Variants in SAMD12 observed in about 807,000 individuals in gnomAD.
The protein encoded by SAMD12 is sterile alpha motif domain containing 12.
A neutral mutation model predicts 15.0 loss-of-function variants in SAMD12; 9 were observed. The ratio of observed to expected loss-of-function variants is 0.60; its 90% confidence interval spans 0.36 to 1.05. SAMD12 has a LOEUF of 1.05. SAMD12 is among the 50% of genes least tolerant of loss of function. SAMD12 has a pLI of 0.01. For synonymous variants in SAMD12, 86 were observed against 90.1 expected (o/e 0.96, Z 0.25); for missense variants, 230 against 234.2 (o/e 0.98, Z 0.12).
intron 4 of SAMD12, among the ~76,000 whole-genome samples, chr8:118,263,500 C>T (rs1338018781): frequency 6.6e-6 from 1 of 151,862 alleles, no homozygotes; most frequent in Non-Finnish European, 1.5e-5. Context: ...GACAAATGTA[C>T]CCCAGAAAAA....
At chr8:118,273,134 C>T (rs967089884) in intron 4 of SAMD12, among the ~76,000 whole-genome samples, 4 of 152,190 alleles carry the variant, frequency 2.6e-5, no homozygotes, top group African/African-American at 9.7e-5. Context: ...GTAATTGACT[C>T]ACAGTTCAGC....
At chr8:118,326,127 C>T (rs1290202894) in intron 4 of SAMD12, among the ~76,000 whole-genome samples, 1 of 152,140 alleles carries the variant, frequency 6.6e-6, no homozygotes, top group Non-Finnish European at 1.5e-5. Flanking sequence ...TAGTGCCCTG[C>T]TCCACTGTTG....
chr8:118,585,868 C>A (rs990261000), intron 1 of SAMD12, among the ~76,000 whole-genome samples: 3 of 152,172 alleles, frequency 2.0e-5, no homozygotes, highest in Admixed American at 1.3e-4. Context: ...TTTCTCTGCT[C>A]ACAGTGATGC....
intron 3 of SAMD12, among the ~76,000 whole-genome samples, chr8:118,392,491 G>A: frequency 6.6e-6 from 1 of 152,182 alleles, no homozygotes; most frequent in East Asian, 1.9e-4. Context: ...TCAGGAAGCA[G>A]ACCTAAAGAA....
At chr8:118,499,894 C>T (rs1824729933) in intron 2 of SAMD12, among the ~76,000 whole-genome samples, 1 of 152,050 alleles carries the variant, frequency 6.6e-6, no homozygotes, top group African/African-American at 2.4e-5. Flanking sequence ...AGAAGACTGT[C>T]CTTAATATGG....
intron 2 of SAMD12, among the ~76,000 whole-genome samples, chr8:118,458,978 GT>G (rs1823337730): frequency 8.4e-6 from 1 of 118,878 alleles, no homozygotes; most frequent in African/African-American, 3.2e-5. Flanking sequence ...GTGTGTGTGT[GT>G]GTGTGTTTAT....
intron 2 of SAMD12, among the ~76,000 whole-genome samples, chr8:118,557,298 C>T (rs943824048): frequency 2.0e-5 from 3 of 152,192 alleles, no homozygotes; most frequent in Admixed American, 6.5e-5. Context: ...GCCTCTTCCC[C>T]GCCTATCATG....
intron 2 of SAMD12, among the ~76,000 whole-genome samples, chr8:118,541,066 GCCAA>G (rs1825972108): frequency 6.6e-6 from 1 of 152,196 alleles, no homozygotes; most frequent in African/African-American, 2.4e-5. Context: ...AGAGGATGAA[GCCAA>G]CCAAGAAAAA....
intron 4 of SAMD12, among the ~76,000 whole-genome samples, chr8:118,200,184 C>G (rs1014812355): frequency 6.6e-6 from 1 of 152,114 alleles, no homozygotes; most frequent in Non-Finnish European, 1.5e-5. Context: ...GTCAATTAAA[C>G]CTCTTTTCCT....
chr8:118,239,939 T>C (rs1442852767), intron 4 of SAMD12: 1 of 152,138 alleles, frequency 6.6e-6, no homozygotes, highest in Non-Finnish European at 1.5e-5. Flanking sequence ...GTCATTCTTT[T>C]GGAAGAGTCA....
At chr8:118,142,091 G>T in the SAMD12 span, among the ~76,000 whole-genome samples, 1 of 152,188 alleles carries the variant, frequency 6.6e-6, no homozygotes. Flanking sequence ...AGGTTTTAGA[G>T]CCACGTAGAG....
intron 1 of SAMD12, among the ~76,000 whole-genome samples, chr8:118,600,204 A>C (rs1196715938): frequency 6.6e-6 from 1 of 152,174 alleles, no homozygotes; most frequent in East Asian, 1.9e-4. Flanking sequence ...TAATTGAAGC[A>C]AGCAAAAATG....
At chr8:118,161,712 AT>A in the SAMD12 span, among the ~76,000 whole-genome samples, 1 of 14,574 alleles carries the variant, frequency 6.9e-5, no homozygotes, top group South Asian at 1.2e-3. Flanking sequence ...TAAATTATTT[AT>A]TATTATTATT....
chr8:118,503,895 T>C (rs1341327461), intron 2 of SAMD12, among the ~76,000 whole-genome samples: 1 of 152,230 alleles, frequency 6.6e-6, no homozygotes, highest in Non-Finnish European at 1.5e-5. Flanking sequence ...ACACTCATTT[T>C]ACAAATCAGC....
intron 4 of SAMD12, among the ~76,000 whole-genome samples, chr8:118,228,726 T>C (rs1193481129): frequency 6.6e-6 from 1 of 152,204 alleles, no homozygotes; most frequent in Non-Finnish European, 1.5e-5. Context: ...GAAAACAGTG[T>C]GGAGCTTCCT....
chr8:118,268,614 AG>A (rs774544690), intron 4 of SAMD12, among the ~76,000 whole-genome samples: 5 of 152,250 alleles, frequency 3.3e-5, no homozygotes, highest in African/African-American at 7.2e-5. Context: ...TGGGAGTTCA[AG>A]ACCAGCCTGG....
chr8:118,491,895 C>T (rs1430493115), intron 2 of SAMD12, among the ~76,000 whole-genome samples: 1 of 152,068 alleles, frequency 6.6e-6, no homozygotes, highest in Non-Finnish European at 1.5e-5. Context: ...ATGAAGAAAG[C>T]GGCTGTGAAT....
intron 4 of SAMD12, among the ~76,000 whole-genome samples, chr8:118,300,206 A>G (rs1374876179): frequency 6.6e-6 from 1 of 152,098 alleles, no homozygotes; most frequent in Non-Finnish European, 1.5e-5. Flanking sequence ...GAAACTATAT[A>G]CTATTGTTAA....
chr8:118,604,948 TAAATA>T (rs1827950796), intron 1 of SAMD12, among the ~76,000 whole-genome samples: 1 of 151,758 alleles, frequency 6.6e-6, no homozygotes, highest in African/African-American at 2.4e-5. Context: ...TAAAAATAAA[TAAATA>T]AAATGTCATG....
Sources: gnomAD v4.1 joint callset for allele counts (sites outside exome capture counted in the v4.1 genomes callset) on GRCh38, gnomAD v4.1.1 for gene constraint, MANE v1.5 for transcripts, NCBI Gene and HGNC (gene_info 2026-07-23, HGNC 2026-07-21) for gene names.